DST: variants seen among roughly 807,000 people sequenced by gnomAD.
DST encodes the protein bullous pemphigoid antigen.
A neutral mutation model predicts 875.2 loss-of-function variants in DST; 253 were observed. The observed-to-expected ratio is 0.29, with a 90% CI of 0.26 to 0.32. DST has a LOEUF of 0.32. DST is among the 10% of genes least tolerant of loss of function. The pLI, the probability that DST is intolerant of heterozygous loss-of-function variation, is 1.00. For synonymous variants in DST, 3,124 were observed against 3,197.1 expected (o/e 0.98, Z 0.77); for missense variants, 8,287 against 9,111.6 (o/e 0.91, Z 3.68).
At chr6:56,487,961 TC>T (rs1204666892) in intron 86 of DST, among the ~76,000 whole-genome samples, 1 of 152,176 alleles carries the variant, frequency 6.6e-6, no homozygotes, top group Non-Finnish European at 1.5e-5. Flanking sequence ...TCTAAAATAA[TC>T]TCAAGGTTAT....
chr6:56,538,729 C>A (rs1391696706), intron 61 of DST, among the ~76,000 whole-genome samples: 1 of 152,148 alleles, frequency 6.6e-6, no homozygotes, highest in Non-Finnish European at 1.5e-5. Context: ...TGTATATAGA[C>A]AATTTCCATA....
At chr6:56,746,131 A>T (rs1299512225) in intron 4 of DST, among the ~76,000 whole-genome samples, 1 of 151,822 alleles carries the variant, frequency 6.6e-6, no homozygotes, top group Non-Finnish European at 1.5e-5. Context: ...ATATAGGCAC[A>T]CCCCACCACC....
Position 56,607,243 on chromosome 6 carries a change from T to C in DST, c.7385A>G (p.Asn2462Ser), listed in dbSNP as rs2098506351. 1.2e-6 allele frequency: 2 copies of C among 1,613,580 alleles called. No individual in the cohort carries two copies. Among genetic ancestry groups the C allele is most frequent in the Non-Finnish European group, 1.7e-6 (2 of 1,179,630 alleles). Residue 2462 changes from asparagine (N) to serine (S), a missense_variant, in exon 40 of 104, where the codon AAT becomes AGT. Physicochemically the swap from Asn to Ser is conservative, Grantham distance 46 (BLOSUM62 1). This residue lies in a region of DST where 3,138 missense variants were observed against 3,116.6 expected (regional missense o/e 1.01). Coordinates refer to ENST00000680361, the MANE Select transcript of DST (RefSeq NM_001374736.1). Reference sequence around the variant, plus strand: ...TGATAAGGCTGGGGCTTCACACTTATTTCCATTGCTCTCTGGGGTGTGTGT... The same window carrying C: ...TGATAAGGCTGGGGCTTCACACTTACTTCCATTGCTCTCTGGGGTGTGTGT... ...NDTHTPESNG[N>S]KCEAPALSFS...
rs1024339405 is a variant in DST at position 56,627,080 on chromosome 6, G to A, written c.4722+124C>T. On this transcript the variant is annotated intron_variant, in intron 34 of 103. Transcript: ENST00000680361. ...TTTCACAAAGAATTATTAGATAAGTGTCAAAAAAGTTCAAATGAAGATTCT... is the reference window on the plus strand; with the variant it reads ...TTTCACAAAGAATTATTAGATAAGTATCAAAAAAGTTCAAATGAAGATTCT... 6 of 769,102 alleles carry A rather than the reference G, an allele frequency of 7.8e-6. No individual in the cohort carries two copies. The African/African-American group carries it at 8.6e-5, about 11-fold the overall frequency. The allele number at this position is 769,102 out of a possible 1,614,324, so 47.6% of individuals were successfully genotyped here.
At chr6:56,885,653 C>T (rs1182183721) in intron 3 of DST, among the ~76,000 whole-genome samples, 2 of 152,104 alleles carry the variant, frequency 1.3e-5, no homozygotes, top group Non-Finnish European at 2.9e-5. Flanking sequence ...CAAAGAGCTC[C>T]CTTGCTCTCT....
At chr6:56,611,638 G>A (rs1454048107) in intron 37 of DST, 42 bp from the exon 38 acceptor site, 2 of 1,300,768 alleles carry the variant, frequency 1.5e-6, no homozygotes, top group Admixed American at 4.0e-5. Context: ...TCCTCCAAAA[G>A]GAGTAAACAG....
intron 87 of DST, 139 bp from the exon 88 acceptor site, chr6:56,485,610 C>T (rs1217298198): frequency 5.9e-6 from 5 of 846,096 alleles, no homozygotes; most frequent in Admixed American, 5.9e-5. Context: ...TGTTTCTTTG[C>T]TCTTCTTAGG....
intron 4 of DST, among the ~76,000 whole-genome samples, chr6:56,796,295 A>G (rs2099739647): frequency 6.6e-6 from 1 of 152,232 alleles, no homozygotes; most frequent in Non-Finnish European, 1.5e-5. Flanking sequence ...GCAAGAAAGA[A>G]ACAGTCATAA....
intron 5 of DST, among the ~76,000 whole-genome samples, chr6:56,715,317 C>T (rs2099391079): frequency 1.3e-5 from 2 of 152,212 alleles, no homozygotes; most frequent in African/African-American, 4.8e-5. Context: ...AAGTAAATTG[C>T]TTCTGAATGA....
In DST at chr6:56,499,623, G is replaced by A. The variant is rs189841308; in HGVS notation, c.19896+1457C>T. ...TATGTCCTCTAATTTTGATCTTTGA[G>A]GAATGGAAAGAAAAGAGAGAAGAGA... On this transcript the variant is annotated intron_variant, in intron 80 of 103. Transcript: ENST00000680361. Among the ~76,000 whole-genome samples, 19 of 152,028 alleles carry A rather than the reference G, an allele frequency of 1.2e-4. No homozygotes were observed. In the East Asian group the frequency reaches 3.5e-3, roughly 28 times the overall value.
At chr6:56,736,071 T>A (rs1017176854) in intron 4 of DST, among the ~76,000 whole-genome samples, 1 of 151,998 alleles carries the variant, frequency 6.6e-6, no homozygotes, top group Non-Finnish European at 1.5e-5. Flanking sequence ...TGTTTTGTAT[T>A]TTTAGTAAGG....
In DST at chr6:56,635,613, T is replaced by C; in HGVS notation, c.3162A>G (p.Leu1054=). 6.2e-7 allele frequency: 1 copy of C among 1,613,984 alleles called. No individual in the cohort carries two copies. Among genetic ancestry groups the C allele is most frequent in the Non-Finnish European group, 8.5e-7 (1 of 1,179,882 alleles). The change falls in exon 24 of 104, where the codon CTA becomes CTG. Residue 1054 remains leucine (L), a synonymous_variant. Coordinates refer to ENST00000680361, the MANE Select transcript of DST (RefSeq NM_001374736.1). ...SCDRSSSIHK[L]EDLVQESMEE... is the part of the protein sequence containing the mutation. The stretch of plus-strand genomic sequence containing the variant: ...CCATTGATTCCTGAACAAGGTCTTC[T>C]AGCTTGTGAATGCTGCTTGATCTAT...
intron 4 of DST, among the ~76,000 whole-genome samples, chr6:56,795,296 C>G (rs1294437764): frequency 2.0e-5 from 3 of 151,820 alleles, no homozygotes; most frequent in African/African-American, 4.8e-5. Context: ...GAAGATCAAA[C>G]TGAGGAAATC....
At position 56,604,113 on chromosome 6, in the gene DST, T is replaced by C; in HGVS notation, c.10515A>G (p.Ile3505Met). 1 of 1,577,902 alleles carries C rather than the reference T, an allele frequency of 6.3e-7. No homozygotes were observed. The highest frequency in any genetic ancestry group is 2.3e-5 in the East Asian group (1 of 43,902). ...TTTGATTAAAGTCTCCAACATGTTC[T>C]ATTTTCTCTGAATATCCATCAGCAA... ...KLLADGYSEK[I>M]EHVGDFNQKA... is the part of the protein sequence containing the mutation. Residue 3505 changes from isoleucine to methionine, a missense_variant, in exon 40 of 104, where the codon ATA becomes ATG. Ile to Met is a conservative substitution (Grantham distance 10, BLOSUM62 1). Transcript: ENST00000680361.
chr6:56,891,289 G>A (rs763573111), intron 3 of DST, among the ~76,000 whole-genome samples: 45 of 152,194 alleles, frequency 3.0e-4, no homozygotes, highest in Admixed American at 3.9e-4. Flanking sequence ...CCAGCTGGAT[G>A]TGGTGGCTCA....
At chr6:56,656,958 T>C (rs2099011854) in intron 10 of DST, among the ~76,000 whole-genome samples, 1 of 152,178 alleles carries the variant, frequency 6.6e-6, no homozygotes, top group Admixed American at 6.5e-5. Context: ...CAATGTGTCC[T>C]ATACCAATGT....
chr6:56,478,893 T>C (rs907619078), intron 90 of DST, among the ~76,000 whole-genome samples: 1 of 152,028 alleles, frequency 6.6e-6, no homozygotes, highest in African/African-American at 2.4e-5. Flanking sequence ...CAAAAGCAAA[T>C]GTGACAAAAA....
chr6:56,861,855 G>C (rs1771327306), intron 3 of DST: 1 of 152,206 alleles, frequency 6.6e-6, no homozygotes, highest in African/African-American at 2.4e-5. Context: ...ACAATTCTGA[G>C]GTGGAAGAAA....
At chr6:56,546,347 C>CATATATATAT (rs10617867) in intron 61 of DST, among the ~76,000 whole-genome samples, 107 of 72,626 alleles carry the variant, frequency 1.5e-3, no homozygotes, top group Middle Eastern at 0.013. Context: ...ATACATATTT[C>CATATATATAT]ATATATATAT....
Sources: allele counts gnomAD v4.1 joint callset (sites outside exome capture counted in the v4.1 genomes callset), GRCh38; gene constraint gnomAD v4.1.1; regional missense constraint gnomAD v4.1.1; transcripts MANE v1.5; gene names NCBI Gene and HGNC (gene_info 2026-07-23, HGNC 2026-07-21).